Variants in TBX5 observed in about 807,000 individuals in gnomAD.
TBX5 encodes T-box transcription factor TBX5.
In TBX5, 8 loss-of-function variants were observed where a neutral mutation model predicts 51.1. The observed-to-expected ratio is 0.16, with a 90% confidence interval of 0.09 to 0.28. The LOEUF (loss-of-function observed/expected upper bound fraction) is 0.28. Among genes scored for constraint, TBX5 ranks in the 10% least tolerant of loss-of-function variants. TBX5 has a pLI of 1.00. For missense variants in TBX5, 589 were observed against 671.7 expected, an observed-to-expected ratio of 0.88 and a Z score of 1.36; for synonymous variants, 302 against 266.4, an observed-to-expected ratio of 1.13 and a Z score of -1.30.
intron 5 of TBX5, among the ~76,000 whole-genome samples, chr12:114,397,746 C>A (rs2136415198): frequency 6.6e-6 from 1 of 152,170 alleles, no homozygotes; most frequent in East Asian, 1.9e-4. Flanking sequence ...CTGCTCTGGG[C>A]ACAGTGTGGA....
At chr12:114,372,171 C>G (rs1365616445) in intron 7 of TBX5, among the ~76,000 whole-genome samples, 2 of 152,140 alleles carry the variant, frequency 1.3e-5, no homozygotes, top group African/African-American at 4.8e-5. Context: ...GATACTTACA[C>G]TAAAAGCCCG....
rs1195354195 is a variant in TBX5, at chr12:114,401,985, C to T, written c.148-65G>A. On this transcript the variant is annotated intron_variant, in intron 2 of 8. Transcript: ENST00000405440. ...CAGTAGTGGGCATTCCTTCCCCAAA[C>T]TCCCCCAAAACACAGAGACTGCTCC... 5 of 1,417,462 alleles carry T rather than the reference C, an allele frequency of 3.5e-6. No homozygotes were observed. In the African/African-American group the frequency reaches 7.0e-5, roughly 20 times the overall value. The allele number at this position is 1,417,462 out of a possible 1,614,324, so 87.8% of individuals were successfully genotyped here. A position where few individuals can be genotyped will look rare whatever the true frequency, so the allele number is the denominator to read the frequency against.
chr12:114,398,149 C>T (rs1313009678), intron 5 of TBX5, among the ~76,000 whole-genome samples: 5 of 152,126 alleles, frequency 3.3e-5, no homozygotes, highest in Admixed American at 6.5e-5. Context: ...TGGGCCCTAA[C>T]GGCAAGGATG....
chr12:114,371,745 A>C (rs1302773331), intron 7 of TBX5, among the ~76,000 whole-genome samples: 1 of 152,050 alleles, frequency 6.6e-6, no homozygotes, highest in East Asian at 1.9e-4. Flanking sequence ...CTGTGATTAA[A>C]ATTAAAAAGG....
chr12:114,404,682 G>A (rs1451869564), intron 1 of TBX5, among the ~76,000 whole-genome samples: 1 of 152,102 alleles, frequency 6.6e-6, no homozygotes. Flanking sequence ...CCGTGCAGCC[G>A]TTCCGAGGAA....
intron 7 of TBX5, among the ~76,000 whole-genome samples, chr12:114,376,125 T>C (rs557314731): frequency 2.0e-5 from 3 of 152,168 alleles, no homozygotes; most frequent in African/African-American, 7.2e-5. Flanking sequence ...CTTCTAGATA[T>C]ACACCCAAAG....
rs1593856330 is a variant in TBX5 at position 114,374,939 on chromosome 12, A to C, written c.756-8548T>G. 2.6e-5 allele frequency among the ~76,000 whole-genome samples: 4 copies of C among 152,296 alleles called. No homozygotes were observed. In the South Asian group the frequency reaches 8.3e-4, roughly 32 times the overall value. On this transcript the variant is annotated intron_variant, in intron 7 of 8. Transcript: ENST00000405440. ...AATGGATGGATAGGTGAGTGGATGG[A>C]GGGATATGTGGTAGAGCAAATATAT... is the stretch of plus-strand genomic sequence containing the variant.
upstream of TBX5, chr12:114,407,961 G>A (rs1488642396): frequency 7.1e-6 from 7 of 985,298 alleles, no homozygotes; most frequent in African/African-American, 5.2e-5. Flanking sequence ...AGAAGAGCAC[G>A]TACCTCCCAG....
intron 8 of TBX5, among the ~76,000 whole-genome samples, chr12:114,363,356 T>A (rs945930620): frequency 1.3e-5 from 2 of 152,170 alleles, no homozygotes; most frequent in African/African-American, 4.8e-5. Flanking sequence ...GAAAGTCAAG[T>A]CATAACCTAA....
At chr12:114,394,277 T>G (rs1487252375) in intron 6 of TBX5, among the ~76,000 whole-genome samples, 1 of 152,258 alleles carries the variant, frequency 6.6e-6, no homozygotes, top group African/African-American at 2.4e-5. Flanking sequence ...ATTGTGCCAC[T>G]GCACTCCAGC....
intron 6 of TBX5, among the ~76,000 whole-genome samples, chr12:114,390,360 C>T (rs771814976): frequency 6.6e-6 from 1 of 152,178 alleles, no homozygotes; most frequent in Non-Finnish European, 1.5e-5. Context: ...CCAGTTCCAC[C>T]AAAAGGCTTC....
intron 8 of TBX5, among the ~76,000 whole-genome samples, chr12:114,357,937 G>C (rs1180136784): frequency 6.6e-6 from 1 of 152,192 alleles, no homozygotes; most frequent in Non-Finnish European, 1.5e-5. Context: ...ATAACGAGAG[G>C]AAATGATCAG....
rs1028816896 is a variant in TBX5 at position 114,403,783 on chromosome 12, G to A, written c.116C>T (p.Pro39Leu). 4 of 1,613,784 alleles carry A rather than the reference G, an allele frequency of 2.5e-6. No individual in the cohort carries two copies. In the African/African-American group the frequency reaches 4.0e-5, roughly 16 times the overall value. ...GGTGAAGGCGGCCTGCGGGGACGACGGGGACTTGCTGGGGGCCCCGAGCGC... is the reference window on the plus strand; with the variant it reads ...GGTGAAGGCGGCCTGCGGGGACGACAGGGACTTGCTGGGGGCCCCGAGCGC... Reference protein sequence around the residue: ...ESALGAPSKSPSSPQAAFTQQ... With the variant: ...ESALGAPSKSLSSPQAAFTQQ... The change falls in exon 2 of 9, where the codon CCG (proline) becomes CTG (leucine). Residue 39 changes from proline to leucine, a missense_variant. Transcript: ENST00000405440.
upstream of TBX5, chr12:114,408,194 T>A: frequency 1.0e-6 from 1 of 985,334 alleles, no homozygotes; most frequent in Non-Finnish European, 1.2e-6. Context: ...CGCCTATCAG[T>A]GCCGGGTCTG....
intron 6 of TBX5, among the ~76,000 whole-genome samples, chr12:114,392,178 T>TAA (rs57938892): frequency 8.1e-5 from 11 of 136,430 alleles, no homozygotes; most frequent in African/African-American, 3.1e-4. Flanking sequence ...TGGATTGCGC[T>TAA]AAAAAAAAAA....
chr12:114,407,124 T>C, upstream of TBX5: 1 of 985,030 alleles, frequency 1.0e-6, no homozygotes, highest in African/African-American at 1.7e-5. Flanking sequence ...TAACCCTCTG[T>C]GACTGCTCTG....
intron 6 of TBX5, among the ~76,000 whole-genome samples, 168 bp downstream of exon 6, chr12:114,394,573 C>T (rs1871320650): frequency 6.6e-6 from 1 of 152,188 alleles, no homozygotes; most frequent in African/African-American, 2.4e-5. Context: ...ATAGTAAAAA[C>T]AGCTGAAACT....
chr12:114,403,987 C>A, intron 1 of TBX5, 51 bp from the exon 2 acceptor site: 3 of 1,550,718 alleles, frequency 1.9e-6, no homozygotes, highest in South Asian at 2.3e-5. Context: ...AGAGAGAGAA[C>A]GAGAGAAAGG....
At position 114,354,892 on chromosome 12, in the gene TBX5, A is replaced by G. The variant is rs1303252097; in HGVS notation, c.*640T>C. 1.9e-5 allele frequency: 3 copies of G among 157,926 alleles called. No individual in the cohort carries two copies. The highest frequency in any genetic ancestry group is 6.2e-5 in the Admixed American group (1 of 16,056). The allele number at this position is 157,926 out of a possible 1,614,324, so 9.8% of individuals were successfully genotyped here. On this transcript the variant is annotated 3_prime_UTR_variant, in exon 9 of 9. Coordinates refer to ENST00000405440, the MANE Select transcript of TBX5 (RefSeq NM_181486.4). ...TATTGGAGAAGGCAGGACAAAACCA[A>G]AGCAAATGGGGACATACAGAGGCTT...
Sources: allele counts gnomAD v4.1 joint callset (sites outside exome capture counted in the v4.1 genomes callset), GRCh38; gene constraint gnomAD v4.1.1; transcripts MANE v1.5; gene names NCBI Gene and HGNC (gene_info 2026-07-23, HGNC 2026-07-21).